The following ERBB4 variants were observed in gnomAD, a reference collection of about 807,000 sequenced individuals.
ERBB4 encodes erb-b2 receptor tyrosine kinase 4, also known as receptor tyrosine-protein kinase erbB-4.
Under a neutral mutation model 158.0 loss-of-function variants are expected in ERBB4, and 42 were observed. That is an observed-to-expected ratio of 0.27 (90% confidence interval 0.21 to 0.34). ERBB4 has a LOEUF of 0.34. Ranked by LOEUF, ERBB4 falls within the 10% of genes least tolerant of loss-of-function variation. ERBB4 has a pLI of 1.00. For missense variants in ERBB4, 1,333 were observed against 1,624.1 expected (o/e 0.82, Z 3.08); for synonymous variants, 583 against 558.7 (o/e 1.04, Z -0.61).
chr2:212,530,773 T>C (rs1692713617), intron 1 of ERBB4, among the ~76,000 whole-genome samples: 1 of 152,170 alleles, frequency 6.6e-6, no homozygotes, highest in Non-Finnish European at 1.5e-5. Flanking sequence ...TAGAAGCACA[T>C]GGGACCAGGA....
At chr2:212,203,607 T>C (rs1472726749) in intron 1 of ERBB4, among the ~76,000 whole-genome samples, 2 of 152,206 alleles carry the variant, frequency 1.3e-5, no homozygotes, top group Non-Finnish European at 1.5e-5. Flanking sequence ...AAGATGTGTG[T>C]ACATATTTTG....
At chr2:211,581,791 C>T (rs2125773037) in intron 19 of ERBB4, among the ~76,000 whole-genome samples, 1 of 152,206 alleles carries the variant, frequency 6.6e-6, no homozygotes, top group South Asian at 2.1e-4. Flanking sequence ...GCAGGCAGAT[C>T]ACGAGGTCAA....
At chr2:211,782,660 T>C (rs2076064303) in intron 4 of ERBB4, among the ~76,000 whole-genome samples, 1 of 152,182 alleles carries the variant, frequency 6.6e-6, no homozygotes, top group Non-Finnish European at 1.5e-5. Flanking sequence ...ATGGTGTAGT[T>C]CAGAGAATGG....
chr2:211,480,977 A>G (rs979320022), intron 20 of ERBB4, among the ~76,000 whole-genome samples: 1 of 152,210 alleles, frequency 6.6e-6, no homozygotes, highest in Non-Finnish European at 1.5e-5. Flanking sequence ...CTATTATTCA[A>G]TCAGCTCTAT....
intron 4 of ERBB4, among the ~76,000 whole-genome samples, chr2:211,784,215 G>C (rs931667284): frequency 1.3e-5 from 2 of 152,094 alleles, no homozygotes; most frequent in African/African-American, 2.4e-5. Flanking sequence ...TTTCAACCTT[G>C]AGCAATTGCA....
chr2:211,840,186 TC>T (rs1242666428), intron 3 of ERBB4, among the ~76,000 whole-genome samples: 2 of 152,004 alleles, frequency 1.3e-5, no homozygotes, highest in Non-Finnish European at 2.9e-5. Context: ...CCTGTGCTGT[TC>T]TCATGATGGT....
intron 2 of ERBB4, among the ~76,000 whole-genome samples, chr2:212,017,286 T>C (rs374901194): frequency 2.6e-5 from 4 of 152,232 alleles, no homozygotes; most frequent in East Asian, 1.9e-4. Context: ...AAAAAGCTAA[T>C]AAATGTTATT....
At chr2:212,484,836 T>C (rs934451388) in intron 1 of ERBB4, among the ~76,000 whole-genome samples, 1 of 152,302 alleles carries the variant, frequency 6.6e-6, no homozygotes, top group African/African-American at 2.4e-5. Flanking sequence ...CTGGACTTCA[T>C]TTCTTTCACA....
In ERBB4 at chr2:211,673,183, A is replaced by C; in HGVS notation, c.1697T>G (p.Leu566Arg). The C allele has an allele frequency of 2.5e-6, 4 of 1,613,308 alleles. No homozygotes were observed. The highest frequency in any genetic ancestry group is 3.4e-6 in the Non-Finnish European group (4 of 1,179,314). Reference sequence around the variant, plus strand: ...GCTTACCGGTCCATGGCATGTGAGGAGGCCATCTTCCATCTTCTCACACTG... The same window carrying C: ...GCTTACCGGTCCATGGCATGTGAGGCGGCCATCTTCCATCTTCTCACACTG... The part of the protein sequence containing the change: ...DPQCEKMEDG[L>R]LTCHGPGPDN... Residue 566 changes from leucine (L) to arginine (R), a missense_variant, in exon 14 of 28, where the codon CTC (leucine) becomes CGC (arginine). Physicochemically the swap from Leu to Arg is moderately radical, Grantham distance 102. Transcript: ENST00000342788.
chr2:211,942,899 T>C (rs2080545384), intron 3 of ERBB4, among the ~76,000 whole-genome samples: 1 of 152,144 alleles, frequency 6.6e-6, no homozygotes, highest in Non-Finnish European at 1.5e-5. Flanking sequence ...TATAGGTATA[T>C]GTGTATTAAA....
chr2:211,887,990 A>C (rs549477059), intron 3 of ERBB4, among the ~76,000 whole-genome samples: 1 of 152,206 alleles, frequency 6.6e-6, no homozygotes, highest in Non-Finnish European at 1.5e-5. Context: ...TAACATTTTC[A>C]TAGACCATTA....
Position 211,596,658 on chromosome 2 carries a change from C to A in ERBB4, c.2301+22519G>T, listed in dbSNP as rs191011993. Among the ~76,000 whole-genome samples the A allele has an allele frequency of 3.1e-3, 479 of 152,230 alleles. 2 individuals are homozygous for A. Among genetic ancestry groups the A allele is most frequent in the Non-Finnish European group, 2.7e-3 (182 of 68,008 alleles). ...TTTCTCTAGGTCCTAGTTTTATAAT[C>A]TTTTTCTCTTGATGACTTTTTTTCC... On this transcript the variant is annotated intron_variant, in intron 19 of 27. Coordinates refer to ENST00000342788, the MANE Select transcript of ERBB4 (RefSeq NM_005235.3).
chr2:212,025,276 G>A (rs1012520999), intron 2 of ERBB4, among the ~76,000 whole-genome samples: 11 of 151,740 alleles, frequency 7.2e-5, no homozygotes, highest in African/African-American at 2.4e-4. Context: ...CTTGAAAGGT[G>A]TTATGATAGT....
intron 1 of ERBB4, among the ~76,000 whole-genome samples, chr2:212,512,675 C>T (rs1997470): frequency 0.098 from 14,912 of 152,058 alleles, 988 homozygotes; most frequent in Non-Finnish European, 0.15. Context: ...CATATATCAC[C>T]GACTATTAGG....
intron 2 of ERBB4, among the ~76,000 whole-genome samples, chr2:212,030,366 C>A (rs1439234248): frequency 6.6e-6 from 1 of 152,098 alleles, no homozygotes; most frequent in Non-Finnish European, 1.5e-5. Context: ...ATTGCTGCTA[C>A]TTTTCTTGCT....
chr2:211,929,231 A>G (rs1312334502), intron 3 of ERBB4, among the ~76,000 whole-genome samples: 1 of 96,632 alleles, frequency 1.0e-5, no homozygotes, highest in Non-Finnish European at 2.2e-5. Flanking sequence ...TATCTTTGGA[A>G]TAAGTGTGTG....
At position 211,429,041 on chromosome 2, in the gene ERBB4, T is replaced by C. The variant is rs1437907560; in HGVS notation, c.2644-558A>G. ...TTATTTTTTTAAAAAAAAAGCTTTATAAACAATTAAAGGTAAAAATAATTA... is the reference window on the plus strand; with the variant it reads ...TTATTTTTTTAAAAAAAAAGCTTTACAAACAATTAAAGGTAAAAATAATTA... On this transcript the variant is annotated intron_variant, in intron 21 of 27. Transcript: ENST00000342788. Among the ~76,000 whole-genome samples, 7 of 152,172 alleles carry C rather than the reference T, an allele frequency of 4.6e-5. No homozygotes were observed. In the East Asian group the frequency reaches 9.6e-4, roughly 21 times the overall value.
intron 20 of ERBB4, among the ~76,000 whole-genome samples, chr2:211,539,584 T>A (rs1342786632): frequency 1.3e-5 from 2 of 151,958 alleles, no homozygotes; most frequent in Non-Finnish European, 2.9e-5. Flanking sequence ...CCTTAAAGCT[T>A]TATGGCTCCC....
At chr2:212,109,691 C>T (rs1412882365) in intron 2 of ERBB4, among the ~76,000 whole-genome samples, 1 of 152,090 alleles carries the variant, frequency 6.6e-6, no homozygotes, top group Non-Finnish European at 1.5e-5. Context: ...AGCATTGAAG[C>T]TAGGAGGATA....
Sources: gnomAD v4.1 joint callset for allele counts (sites outside exome capture counted in the v4.1 genomes callset) on GRCh38, gnomAD v4.1.1 for gene constraint, MANE v1.5 for transcripts, NCBI Gene and HGNC (gene_info 2026-07-23, HGNC 2026-07-21) for gene names.